Variants in FEZ1 observed in about 807,000 individuals in gnomAD.
FEZ1 encodes the protein fasciculation and elongation protein zeta-1.
In FEZ1, 20 loss-of-function variants were observed where a neutral mutation model predicts 49.3. The ratio of observed to expected loss-of-function variants is 0.41; its 90% confidence interval spans 0.29 to 0.59. The LOEUF is 0.59. Ranked by LOEUF, FEZ1 falls within the 20% of genes least tolerant of loss-of-function variation. The probability of loss-of-function intolerance (pLI) is 0.36; values close to 1 mark genes in which losing one functional copy is unlikely to be tolerated. For missense variants in FEZ1, 413 were observed against 476.0 expected (o/e 0.87, Z 1.23); for synonymous variants, 170 against 180.9 (o/e 0.94, Z 0.48).
intron 7 of FEZ1, 59 bp downstream of exon 7, chr11:125,454,070 TG>T: frequency 1.6e-6 from 2 of 1,219,212 alleles, no homozygotes; most frequent in East Asian, 2.4e-5. Context: ...CCTGCGTTGC[TG>T]GGGAGGCCAA....
In FEZ1 at chr11:125,476,127, T is replaced by C. The variant is rs577418313; in HGVS notation, c.411+5407A>G. On this transcript the variant is annotated intron_variant, in intron 3 of 9. Transcript: ENST00000278919. ...TCTACAACGACAGAAAGCAGATAAG[T>C]GGTTGCCCAGAGATTGGGCGGTGAG... Among the ~76,000 whole-genome samples, 4 of 152,236 alleles carry C rather than the reference T, an allele frequency of 2.6e-5. No homozygotes were observed. The South Asian group carries it at 6.2e-4, about 24-fold the overall frequency.
In FEZ1 at chr11:125,495,885, A is replaced by G. The variant is rs1957464217; in HGVS notation, c.-46+236T>C. ...TGAGATGATACTGGAAGTGCCCATC[A>G]TCCCACATCTCCAGGGCCTGGCGCG... On this transcript the variant is annotated intron_variant, in intron 1 of 9. Transcript: ENST00000278919. This position sits in a 1 kb window ranked among gnomAD's most constrained non-coding sequence, Gnocchi z 4.2. 1 of 289,324 alleles carries G rather than the reference A, an allele frequency of 3.5e-6. No homozygotes were observed. The highest frequency in any genetic ancestry group is 5.2e-5 in the Admixed American group (1 of 19,338). The allele number at this position is 289,324 out of a possible 1,614,324, so 17.9% of individuals were successfully genotyped here.
At chr11:125,481,805 C>T in intron 2 of FEZ1, 172 bp from the exon 3 acceptor site, 1 of 619,108 alleles carries the variant, frequency 1.6e-6, no homozygotes, top group Admixed American at 2.6e-5. Context: ...GAGGCACATC[C>T]AGGGGAGAAA....
intron 6 of FEZ1, chr11:125,455,622 C>A: frequency 1.6e-6 from 1 of 638,486 alleles, no homozygotes; most frequent in Non-Finnish European, 2.8e-6. Flanking sequence ...CTAATGTACA[C>A]ACTGTCTTCC....
At chr11:125,493,778 C>T (rs1957429265) in intron 1 of FEZ1, among the ~76,000 whole-genome samples, 1 of 152,172 alleles carries the variant, frequency 6.6e-6, no homozygotes, top group Non-Finnish European at 1.5e-5. Flanking sequence ...CAGGTATTTA[C>T]ACTGCCTTTA....
chr11:125,446,646 T>C (rs141314009), intron 9 of FEZ1, among the ~76,000 whole-genome samples: 1 of 41,926 alleles, frequency 2.4e-5, no homozygotes, highest in East Asian at 1.3e-3. Context: ...TTGTGTTTTG[T>C]TGTTGTTGTT....
At chr11:125,490,713 A>ATT (rs1565305792) in intron 1 of FEZ1, among the ~76,000 whole-genome samples, 9 of 151,072 alleles carry the variant, frequency 6.0e-5, no homozygotes, top group African/African-American at 2.2e-4. Context: ...ATTTTTTTAA[A>ATT]AAAACTAATA....
At chr11:125,479,846 G>C (rs1030885647) in intron 3 of FEZ1, among the ~76,000 whole-genome samples, 7 of 152,176 alleles carry the variant, frequency 4.6e-5, no homozygotes, top group Non-Finnish European at 7.3e-5. Flanking sequence ...TTAGTCTAAC[G>C]TATCCTGTTA....
intron 3 of FEZ1, among the ~76,000 whole-genome samples, chr11:125,465,706 A>T (rs1039559512): frequency 6.6e-6 from 1 of 152,050 alleles, no homozygotes; most frequent in Non-Finnish European, 1.5e-5. Flanking sequence ...CCTTCCCTCT[A>T]TGTGCGGGTT....
chr11:125,466,824 T>C (rs1957134979), intron 3 of FEZ1, among the ~76,000 whole-genome samples: 1 of 152,152 alleles, frequency 6.6e-6, no homozygotes, highest in South Asian at 2.1e-4. Flanking sequence ...TATTAACCAG[T>C]GTATTTTATT....
rs1956870580 is a variant in FEZ1, at chr11:125,443,150, C to G, written c.*2945G>C. Among the ~76,000 whole-genome samples, 1 of 152,158 alleles carries G rather than the reference C, an allele frequency of 6.6e-6. No homozygotes were observed. The highest frequency in any genetic ancestry group is 2.1e-4 in the South Asian group (1 of 4,830). On this transcript the variant is annotated 3_prime_UTR_variant, in exon 10 of 10. Coordinates refer to ENST00000278919, the MANE Select transcript of FEZ1 (RefSeq NM_005103.5). ...ATTTGCCAGACAGACCTCTGACCTA[C>G]CTAGGAGGGCTCCCTGCAGACCGTG...
intron 3 of FEZ1, among the ~76,000 whole-genome samples, chr11:125,478,171 G>A (rs1198325985): frequency 6.6e-6 from 1 of 152,276 alleles, no homozygotes; most frequent in South Asian, 2.1e-4. Flanking sequence ...GGCCAGGTGT[G>A]GCGGCTCACA....
chr11:125,489,233 A>C lies in FEZ1; in HGVS notation c.311+234T>G. On this transcript the variant is annotated intron_variant, in intron 2 of 9. Transcript: ENST00000278919. This position sits in a 1 kb window ranked among gnomAD's most constrained non-coding sequence, Gnocchi z 4.2. ...CTGTGCTCCTGAAATTCCATTTTGTATCTAGGAAAACCTTCATTCCTCTAA... is the reference window on the plus strand; with the variant it reads ...CTGTGCTCCTGAAATTCCATTTTGTCTCTAGGAAAACCTTCATTCCTCTAA... 8.5e-7 allele frequency: 1 copy of C among 1,174,410 alleles called. No homozygotes were observed. The highest frequency in any genetic ancestry group is 1.0e-6 in the Non-Finnish European group (1 of 952,488). 72.7% of individuals were successfully genotyped at this position (1,174,410 alleles called of 1,614,324 possible). A position where few individuals can be genotyped will look rare whatever the true frequency, so the allele number is the denominator to read the frequency against.
chr11:125,450,089 G>A (rs1956940304), intron 8 of FEZ1, among the ~76,000 whole-genome samples: 1 of 150,952 alleles, frequency 6.6e-6, no homozygotes, highest in South Asian at 2.1e-4. Context: ...GTGCAGTGGT[G>A]CGATCTCAGC....
intron 5 of FEZ1, among the ~76,000 whole-genome samples, chr11:125,457,378 C>A (rs1273090652): frequency 8.7e-6 from 1 of 114,312 alleles, no homozygotes; most frequent in Non-Finnish European, 1.7e-5. Flanking sequence ...CCAGCCTGGC[C>A]AACATGGTGA....
intron 3 of FEZ1, among the ~76,000 whole-genome samples, chr11:125,479,754 A>C (rs1037739305): frequency 3.3e-5 from 5 of 152,162 alleles, no homozygotes; most frequent in African/African-American, 1.2e-4. Context: ...TCCTCACCAG[A>C]TATTGAATCT....
intron 8 of FEZ1, chr11:125,451,299 T>A (rs758512680): frequency 6.6e-6 from 1 of 152,232 alleles, no homozygotes; most frequent in African/African-American, 2.4e-5. Flanking sequence ...AAATTCCTGA[T>A]TCTCAAGGAC....
In FEZ1 at chr11:125,495,796, G is replaced by A. The variant is rs1443941585; in HGVS notation, c.-46+325C>T. 6 of 299,550 alleles carry A rather than the reference G, an allele frequency of 2.0e-5. No individual in the cohort carries two copies. The highest frequency in any genetic ancestry group is 1.0e-4 in the African/African-American group (3 of 29,256). 18.6% of individuals were successfully genotyped at this position (299,550 alleles called of 1,614,324 possible). On this transcript the variant is annotated intron_variant, in intron 1 of 9. Coordinates refer to ENST00000278919, the MANE Select transcript of FEZ1 (RefSeq NM_005103.5). This position sits in a 1 kb window ranked among gnomAD's most constrained non-coding sequence, Gnocchi z 4.2. ...CGCGCACACACGCGGGCACACACAC[G>A]CGGACACACACACACACACACACAC...
intron 5 of FEZ1, 112 bp downstream of exon 5, chr11:125,460,386 C>T: frequency 1.1e-6 from 1 of 873,200 alleles, no homozygotes; most frequent in Non-Finnish European, 1.7e-6. Context: ...ATCTGCAAGG[C>T]TCTGCTCTGA....
Sources: gnomAD v4.1 joint callset for allele counts (sites outside exome capture counted in the v4.1 genomes callset) on GRCh38, gnomAD v4.1.1 for gene constraint, Gnocchi (gnomAD v3.1) non-coding constraint, MANE v1.5 for transcripts, NCBI Gene and HGNC (gene_info 2026-07-23, HGNC 2026-07-21) for gene names.